FSTL5: variants seen among roughly 807,000 people sequenced by gnomAD.
FSTL5 encodes the protein follistatin like 5, also known as follistatin-related protein 5.
In FSTL5, 62 loss-of-function variants were observed where a neutral mutation model predicts 89.1. The observed-to-expected ratio is 0.70, with a 90% CI of 0.57 to 0.86. The LOEUF (loss-of-function observed/expected upper bound fraction) is 0.86, where lower values mean the gene tolerates loss of function less well. Among genes scored for constraint, FSTL5 ranks in the 40% least tolerant of loss-of-function variants. The probability of loss-of-function intolerance (pLI) is 0.00; values close to 1 mark genes in which losing one functional copy is unlikely to be tolerated. For missense variants in FSTL5, 1,057 were observed against 1,001.6 expected, an observed-to-expected ratio of 1.06 and a Z score of -0.75; for synonymous variants, 383 against 346.2, an observed-to-expected ratio of 1.11 and a Z score of -1.18.
At chr4:161,709,069 T>C (rs1214937729) in intron 6 of FSTL5, among the ~76,000 whole-genome samples, 1 of 152,188 alleles carries the variant, frequency 6.6e-6, no homozygotes, top group Non-Finnish European at 1.5e-5. Context: ...GCCTCTAACA[T>C]GGCTTGAATA....
chr4:161,801,263 T>A (rs1388135106), intron 4 of FSTL5, among the ~76,000 whole-genome samples: 2 of 151,608 alleles, frequency 1.3e-5, no homozygotes, highest in Non-Finnish European at 3.0e-5. Context: ...ATGAACTATA[T>A]TATTTCTTCT....
intron 4 of FSTL5, among the ~76,000 whole-genome samples, chr4:161,793,069 G>T (rs1729529344): frequency 6.6e-6 from 1 of 152,212 alleles, no homozygotes. Context: ...TCCATATGCA[G>T]TTGCCCTCAG....
rs115282882 is a variant in FSTL5 at position 162,036,221 on chromosome 4, C to T, written c.127-2563G>A. Among the ~76,000 whole-genome samples the T allele has an allele frequency of 8.0e-3, 1,210 of 152,150 alleles. 10 individuals are homozygous for T. Among genetic ancestry groups the T allele is most frequent in the Middle Eastern group, 0.037 (11 of 294 alleles). On this transcript the variant is annotated intron_variant, in intron 2 of 15. Coordinates refer to ENST00000306100, the MANE Select transcript of FSTL5 (RefSeq NM_020116.5). ...ACTTATTCAACTGTCTTTTGACATCCGTACTTGGATTTCTAATAACATGGC... is the reference window on the plus strand; with the variant it reads ...ACTTATTCAACTGTCTTTTGACATCTGTACTTGGATTTCTAATAACATGGC...
At chr4:161,909,554 C>T (rs1733633859) in intron 4 of FSTL5, among the ~76,000 whole-genome samples, 1 of 152,010 alleles carries the variant, frequency 6.6e-6, no homozygotes, top group African/African-American at 2.4e-5. Flanking sequence ...ATGTTTTTTT[C>T]TCTCCTAAAA....
intron 1 of FSTL5, among the ~76,000 whole-genome samples, chr4:162,124,078 A>G (rs1731974920): frequency 6.6e-6 from 1 of 152,184 alleles, no homozygotes; most frequent in East Asian, 1.9e-4. Flanking sequence ...CAACACTTAA[A>G]ATTATATGTC....
At chr4:161,999,646 A>G (rs1736404258) in intron 3 of FSTL5, among the ~76,000 whole-genome samples, 1 of 152,238 alleles carries the variant, frequency 6.6e-6, no homozygotes, top group Admixed American at 6.5e-5. Flanking sequence ...TGATCATTTA[A>G]ATAAGACAGT....
At chr4:161,500,819 C>T (rs1423285155) in intron 11 of FSTL5, among the ~76,000 whole-genome samples, 2 of 152,144 alleles carry the variant, frequency 1.3e-5, no homozygotes, top group South Asian at 2.1e-4. Flanking sequence ...AAATTCATCT[C>T]CCCCCACTTT....
At chr4:162,029,160 AGAGAGAGT>A (rs146797842) in intron 3 of FSTL5, among the ~76,000 whole-genome samples, 14,601 of 121,078 alleles carry the variant, frequency 0.12, 789 homozygotes, top group Middle Eastern at 0.16. Flanking sequence ...AGAGAGAGAG[AGAGAGAGT>A]GTGTGTGTGT....
intron 4 of FSTL5, among the ~76,000 whole-genome samples, chr4:161,889,697 T>C (rs910144559): frequency 2.0e-4 from 30 of 152,140 alleles, no homozygotes; most frequent in African/African-American, 7.2e-4. Flanking sequence ...TGTAAGTAAA[T>C]TTACTTGAAT....
intron 6 of FSTL5, among the ~76,000 whole-genome samples, chr4:161,746,501 T>A (rs746514920): frequency 6.6e-6 from 1 of 152,154 alleles, no homozygotes; most frequent in Non-Finnish European, 1.5e-5. Flanking sequence ...GGGGCTTGAC[T>A]GTAGCATTTG....
intron 15 of FSTL5, among the ~76,000 whole-genome samples, chr4:161,389,743 T>C (rs1276380218): frequency 6.6e-6 from 1 of 152,118 alleles, no homozygotes. Flanking sequence ...AATGTATGTA[T>C]ACTACCAGGC....
At chr4:161,693,107 A>G (rs1373932585) in intron 6 of FSTL5, among the ~76,000 whole-genome samples, 1 of 152,208 alleles carries the variant, frequency 6.6e-6, no homozygotes, top group Non-Finnish European at 1.5e-5. Flanking sequence ...TATGGTATTT[A>G]GTCATGGCAG....
At chr4:161,613,113 C>T (rs912678322) in intron 7 of FSTL5, among the ~76,000 whole-genome samples, 4 of 152,128 alleles carry the variant, frequency 2.6e-5, no homozygotes, top group Non-Finnish European at 5.9e-5. Flanking sequence ...AGGACTAATA[C>T]ATGATAATTC....
At chr4:161,559,710 A>AAT (rs1045021049) in intron 8 of FSTL5, among the ~76,000 whole-genome samples, 9 of 151,880 alleles carry the variant, frequency 5.9e-5, no homozygotes, top group Non-Finnish European at 1.3e-4. Flanking sequence ...AATTATGCAT[A>AAT]ATATATATAT....
Position 161,671,145 on chromosome 4 carries a change from T to A in FSTL5, c.728-14651A>T, listed in dbSNP as rs950710959. On this transcript the variant is annotated intron_variant, in intron 6 of 15. Transcript: ENST00000306100. ...TCTTTTCTTGTCACTTTCAAGTTTA[T>A]TGACAAATTCTTAGCTCCTTTTTTT... 2.0e-5 allele frequency among the ~76,000 whole-genome samples: 3 copies of A among 152,208 alleles called. No homozygotes were observed. In the East Asian group the frequency reaches 5.8e-4, roughly 29 times the overall value.
intron 10 of FSTL5, among the ~76,000 whole-genome samples, chr4:161,530,665 G>T (rs758047882): frequency 6.6e-6 from 1 of 151,648 alleles, no homozygotes; most frequent in South Asian, 2.1e-4. Context: ...TATTTAGACC[G>T]TAAAATTCTA....
intron 6 of FSTL5, among the ~76,000 whole-genome samples, chr4:161,703,777 GT>G (rs1029906728): frequency 6.6e-5 from 10 of 151,936 alleles, no homozygotes; most frequent in African/African-American, 2.4e-4. Context: ...TAATTTTTCA[GT>G]TACCTGCTAT....
At chr4:161,710,521 CT>C in intron 6 of FSTL5, among the ~76,000 whole-genome samples, 1 of 152,184 alleles carries the variant, frequency 6.6e-6, no homozygotes, top group Admixed American at 6.5e-5. Context: ...ATATGGCTTC[CT>C]TTTTTGTTGT....
chr4:162,043,632 A>G (rs924261973), intron 2 of FSTL5, among the ~76,000 whole-genome samples: 2 of 152,172 alleles, frequency 1.3e-5, no homozygotes, highest in African/African-American at 4.8e-5. Flanking sequence ...TTCATGAAAG[A>G]TTTCTCTGTA....
Sources: allele counts gnomAD v4.1 joint callset (sites outside exome capture counted in the v4.1 genomes callset), GRCh38; gene constraint gnomAD v4.1.1; transcripts MANE v1.5; gene names NCBI Gene and HGNC (gene_info 2026-07-23, HGNC 2026-07-21).